Variants in MGAT4C observed in about 807,000 individuals in gnomAD.
MGAT4C encodes the protein MGAT4 family member C.
In MGAT4C, 19 loss-of-function variants were observed where a neutral mutation model predicts 40.1. That is an observed-to-expected ratio of 0.47 (90% CI 0.33 to 0.70). The LOEUF (loss-of-function observed/expected upper bound fraction) is 0.70, where lower values mean the gene tolerates loss of function less well. MGAT4C is among the 30% of genes least tolerant of loss of function. The pLI, the probability that MGAT4C is intolerant of heterozygous loss-of-function variation, is 0.02. For synonymous variants in MGAT4C, 181 were observed against 187.1 expected, an observed-to-expected ratio of 0.97 and a Z score of 0.27; for missense variants, 491 against 563.2, an observed-to-expected ratio of 0.87 and a Z score of 1.30.
chr12:86,582,449 T>G (rs1960825976), intron 2 of MGAT4C, among the ~76,000 whole-genome samples: 1 of 151,240 alleles, frequency 6.6e-6, no homozygotes, highest in Non-Finnish European at 1.5e-5. Flanking sequence ...TTGCTTGAAA[T>G]TGAATGAAAT....
Position 85,965,705 on chromosome 12 carries a change from GA to G in MGAT4C, c.*13583del, listed in dbSNP as rs1417237118. ...CAAACTGTTCATGAAGTGATCAATT[GA>G]ATTTGAAACAGAACTTTTCCTAGCT... is the stretch of plus-strand genomic sequence containing the variant. On this transcript the variant is annotated 3_prime_UTR_variant, in exon 5 of 5. Coordinates refer to ENST00000611864, the MANE Select transcript of MGAT4C (RefSeq NM_001351288.2). 5.3e-5 allele frequency: 8 copies of G among 151,310 alleles called. No homozygotes were observed. The highest frequency in any genetic ancestry group is 1.9e-4 in the African/African-American group (8 of 41,224). 9.4% of individuals were successfully genotyped at this position (151,310 alleles called of 1,614,324 possible). A position where few individuals can be genotyped will look rare whatever the true frequency, so the allele number is the denominator to read the frequency against.
chr12:86,735,654 G>A (rs1950974109), intron 1 of MGAT4C, among the ~76,000 whole-genome samples: 1 of 151,786 alleles, frequency 6.6e-6, no homozygotes. Flanking sequence ...CTCAAATAAA[G>A]ACTAAATATT....
At chr12:86,782,072 A>G (rs1951851584) in intron 1 of MGAT4C, among the ~76,000 whole-genome samples, 1 of 151,506 alleles carries the variant, frequency 6.6e-6, no homozygotes, top group African/African-American at 2.4e-5. Context: ...GGCTTACTGC[A>G]AGCTCCGCTT....
intron 1 of MGAT4C, among the ~76,000 whole-genome samples, chr12:86,055,592 T>G (rs965132867): frequency 6.6e-6 from 1 of 152,074 alleles, no homozygotes; most frequent in African/African-American, 2.4e-5. Context: ...TTTAATTGAT[T>G]TGTCTATTTA....
chr12:86,492,243 T>C (rs1329603577), intron 2 of MGAT4C, among the ~76,000 whole-genome samples: 4 of 152,206 alleles, frequency 2.6e-5, no homozygotes. Context: ...ATAGATTCAA[T>C]GTCATCCCCA....
chr12:86,304,217 A>C (rs185194358), intron 4 of MGAT4C, among the ~76,000 whole-genome samples: 2 of 150,762 alleles, frequency 1.3e-5, no homozygotes, highest in Admixed American at 6.6e-5. Context: ...AGCTTTCCAA[A>C]ATGATTTTTG....
chr12:86,143,847 T>C (rs998416894), intron 1 of MGAT4C, among the ~76,000 whole-genome samples: 6 of 152,162 alleles, frequency 3.9e-5, no homozygotes, highest in African/African-American at 1.4e-4. Flanking sequence ...ACCCAGCACA[T>C]GAAGGCAATA....
chr12:86,789,828 AT>A (rs1951994122), intron 1 of MGAT4C, among the ~76,000 whole-genome samples: 1 of 152,174 alleles, frequency 6.6e-6, no homozygotes, highest in African/African-American at 2.4e-5. Context: ...TAACTTTACA[AT>A]AACTGCAACA....
intron 2 of MGAT4C, among the ~76,000 whole-genome samples, chr12:86,710,038 T>A (rs1224737498): frequency 6.6e-6 from 1 of 152,160 alleles, no homozygotes; most frequent in African/African-American, 2.4e-5. Flanking sequence ...GATCATTATT[T>A]TTATGATGGA....
At chr12:86,259,530 A>T (rs1187359468), upstream of MGAT4C, among the ~76,000 whole-genome samples, 2 of 151,806 alleles carry the variant, frequency 1.3e-5, no homozygotes, top group Non-Finnish European at 2.9e-5. Context: ...TATTTAATAT[A>T]CACATGTGGA....
At chr12:86,179,613 G>A (rs1887888214) in intron 1 of MGAT4C, among the ~76,000 whole-genome samples, 1 of 152,180 alleles carries the variant, frequency 6.6e-6, no homozygotes, top group Non-Finnish European at 1.5e-5. Context: ...CTGGAGCAGA[G>A]GTGACTCTTG....
At chr12:86,310,320 A>G (rs1954039548) in intron 4 of MGAT4C, among the ~76,000 whole-genome samples, 2 of 152,160 alleles carry the variant, frequency 1.3e-5, no homozygotes, top group African/African-American at 4.8e-5. Context: ...GAAATAAACA[A>G]TAGTAAAAGT....
At chr12:86,494,998 C>T (rs940009358) in intron 2 of MGAT4C, among the ~76,000 whole-genome samples, 1 of 152,024 alleles carries the variant, frequency 6.6e-6, no homozygotes, top group African/African-American at 2.4e-5. Flanking sequence ...ATCTAAAAAT[C>T]TAGTGATTCT....
chr12:86,287,772 T>C (rs1330374549), intron 4 of MGAT4C, among the ~76,000 whole-genome samples: 1 of 152,234 alleles, frequency 6.6e-6, no homozygotes, highest in Non-Finnish European at 1.5e-5. Flanking sequence ...GGGTTGGTTC[T>C]AAATCTTTGC....
intron 3 of MGAT4C, among the ~76,000 whole-genome samples, chr12:86,358,539 G>A (rs1955372319): frequency 6.6e-6 from 1 of 152,158 alleles, no homozygotes; most frequent in South Asian, 2.1e-4. Flanking sequence ...TGGCAAACTG[G>A]ATAAAGAGTC....
intron 2 of MGAT4C, among the ~76,000 whole-genome samples, chr12:86,476,587 C>T (rs1483846850): frequency 1.3e-5 from 2 of 151,194 alleles, no homozygotes; most frequent in Non-Finnish European, 2.9e-5. Flanking sequence ...GTTTATATAC[C>T]CAAAGGAAAA....
chr12:86,764,653 T>G (rs1196105473), intron 1 of MGAT4C, among the ~76,000 whole-genome samples: 3 of 151,358 alleles, frequency 2.0e-5, no homozygotes, highest in African/African-American at 7.3e-5. Context: ...GGCCGGGTAC[T>G]CCTCTGAGAC....
intron 1 of MGAT4C, among the ~76,000 whole-genome samples, chr12:86,130,515 G>A (rs1881018717): frequency 6.6e-6 from 1 of 151,960 alleles, no homozygotes; most frequent in African/African-American, 2.4e-5. Context: ...AATACAAATG[G>A]CTGACTTGAA....
At chr12:86,693,035 C>T (rs1950197670) in intron 2 of MGAT4C, among the ~76,000 whole-genome samples, 1 of 51,890 alleles carries the variant, frequency 1.9e-5, no homozygotes, top group Non-Finnish European at 5.8e-5. Context: ...AACCTCTATA[C>T]TACTGATTGG....
Sources: gnomAD v4.1 joint callset for allele counts (sites outside exome capture counted in the v4.1 genomes callset) on GRCh38, gnomAD v4.1.1 for gene constraint, MANE v1.5 for transcripts, NCBI Gene and HGNC (gene_info 2026-07-23, HGNC 2026-07-21) for gene names.